The following ADAM2 variants were observed in gnomAD, a reference collection of about 807,000 sequenced individuals.
ADAM2 encodes the protein disintegrin and metalloproteinase domain-containing protein 2.
In ADAM2, 101 loss-of-function variants were observed where a neutral mutation model predicts 99.3. The observed-to-expected ratio is 1.02, with a 90% CI of 0.87 to 1.20. The LOEUF (loss-of-function observed/expected upper bound fraction) is 1.20. Ranked by LOEUF, ADAM2 falls within the 50% of genes most tolerant of loss-of-function variation. The probability of loss-of-function intolerance (pLI) is 0.00; values close to 1 mark genes in which losing one functional copy is unlikely to be tolerated. For missense variants in ADAM2, 948 were observed against 878.7 expected (o/e 1.08, Z -1.00); for synonymous variants, 323 against 287.6 (o/e 1.12, Z -1.25).
chr8:39,837,015 A>G (rs978655696), intron 2 of ADAM2, 121 bp downstream of exon 2: 2 of 685,992 alleles, frequency 2.9e-6, no homozygotes, highest in African/African-American at 3.7e-5. Context: ...CCATTCAGGG[A>G]AAATTTGGTA....
At chr8:39,830,059 T>C (rs1805555503) in intron 3 of ADAM2, among the ~76,000 whole-genome samples, 1 of 152,176 alleles carries the variant, frequency 6.6e-6, no homozygotes. Context: ...GCAGTCAATA[T>C]ATGTGTAAAG....
At chr8:39,822,200 C>T (rs181076932) in intron 4 of ADAM2, among the ~76,000 whole-genome samples, 1 of 152,010 alleles carries the variant, frequency 6.6e-6, no homozygotes, top group East Asian at 1.9e-4. Flanking sequence ...TTTTTATCAC[C>T]AATTGGGGTA....
chr8:39,749,782 C>T (rs957795512), intron 16 of ADAM2, 38 bp from the exon 17 acceptor site: 4 of 1,523,540 alleles, frequency 2.6e-6, no homozygotes, highest in Non-Finnish European at 3.6e-6. Flanking sequence ...ATTGACATGC[C>T]ATCTAGAGTT....
At chr8:39,763,576 C>CTA (rs1802455394) in intron 14 of ADAM2, among the ~76,000 whole-genome samples, 1 of 152,296 alleles carries the variant, frequency 6.6e-6, no homozygotes, top group Admixed American at 6.5e-5. Context: ...AGGAGACCAC[C>CTA]TACAACATGC....
intron 7 of ADAM2, among the ~76,000 whole-genome samples, chr8:39,803,319 T>C (rs1423989752): frequency 6.6e-6 from 1 of 152,198 alleles, no homozygotes; most frequent in Non-Finnish European, 1.5e-5. Flanking sequence ...AAGTTGTTTA[T>C]TTGTAAGATC....
At chr8:39,787,241 T>G (rs1803502101) in intron 9 of ADAM2, among the ~76,000 whole-genome samples, 186 bp from the exon 10 acceptor site, 1 of 151,784 alleles carries the variant, frequency 6.6e-6, no homozygotes, top group South Asian at 2.1e-4. Flanking sequence ...AAAAACAAAG[T>G]GTATTTTATA....
intron 3 of ADAM2, among the ~76,000 whole-genome samples, chr8:39,831,115 A>C (rs1249662390): frequency 6.6e-6 from 1 of 152,172 alleles, no homozygotes; most frequent in Non-Finnish European, 1.5e-5. Flanking sequence ...TTTGTAAGCT[A>C]CCCAGTCTAT....
intron 7 of ADAM2, among the ~76,000 whole-genome samples, chr8:39,794,218 C>T (rs1264609842): frequency 1.3e-5 from 2 of 152,022 alleles, no homozygotes; most frequent in African/African-American, 4.8e-5. Flanking sequence ...GTCATATGTA[C>T]AGAGTATTTT....
chr8:39,750,937 T>G (rs914319459), intron 16 of ADAM2, among the ~76,000 whole-genome samples: 1 of 152,174 alleles, frequency 6.6e-6, no homozygotes. Flanking sequence ...TAGAAATATT[T>G]TTTATTTTAA....
chr8:39,793,421 A>G (rs1451741), intron 7 of ADAM2, among the ~76,000 whole-genome samples: 71,411 of 151,930 alleles, frequency 0.47, 17,124 homozygotes, highest in South Asian at 0.67. Context: ...CACCTTGGCT[A>G]CTTCCCTAAC....
At position 39,793,144 on chromosome 8, in the gene ADAM2, T is replaced by G. The variant is rs116016808; in HGVS notation, c.571-4404A>C. On this transcript the variant is annotated intron_variant, in intron 7 of 20. Transcript: ENST00000265708. Reference sequence around the variant, plus strand: ...CTTGCATTTATGTTTGAGATTCTTTTCACGATCATGTTGTCTTAATGGACT... The same window carrying G: ...CTTGCATTTATGTTTGAGATTCTTTGCACGATCATGTTGTCTTAATGGACT... Among the ~76,000 whole-genome samples, 696 of 152,212 alleles carry G rather than the reference T, an allele frequency of 4.6e-3. 7 individuals carry two copies. The highest frequency in any genetic ancestry group is 0.016 in the African/African-American group (649 of 41,540).
chr8:39,786,157 G>A (rs1803459814), intron 10 of ADAM2, among the ~76,000 whole-genome samples: 2 of 152,154 alleles, frequency 1.3e-5, no homozygotes, highest in South Asian at 2.1e-4. Flanking sequence ...GAACTACCGG[G>A]GGTGGAGGAA....
intron 4 of ADAM2, among the ~76,000 whole-genome samples, chr8:39,823,461 G>C (rs1453924977): frequency 2.0e-5 from 3 of 151,762 alleles, no homozygotes; most frequent in Non-Finnish European, 4.4e-5. Flanking sequence ...CTACATTTGA[G>C]ATCAACTTGC....
chr8:39,808,885 C>T (rs1401580591), intron 7 of ADAM2, among the ~76,000 whole-genome samples: 2 of 152,100 alleles, frequency 1.3e-5, no homozygotes, highest in Non-Finnish European at 2.9e-5. Flanking sequence ...CATTGCACTC[C>T]AGCCTGTGGG....
intron 7 of ADAM2, among the ~76,000 whole-genome samples, chr8:39,808,926 T>A (rs561738799): frequency 1.9e-3 from 292 of 152,030 alleles, no homozygotes; most frequent in African/African-American, 6.7e-3. Flanking sequence ...AAAAAATAAA[T>A]AAATAAATAC....
intron 7 of ADAM2, among the ~76,000 whole-genome samples, chr8:39,801,614 AG>A (rs1804214690): frequency 6.6e-6 from 1 of 152,128 alleles, no homozygotes; most frequent in South Asian, 2.1e-4. Context: ...AACTACCAGG[AG>A]GAGAGGCTAA....
chr8:39,836,707 A>G (rs184127888), intron 2 of ADAM2, among the ~76,000 whole-genome samples: 83 of 152,354 alleles, frequency 5.4e-4, no homozygotes, highest in African/African-American at 1.7e-3. Context: ...AATCATTAAC[A>G]TATTCGCAAT....
intron 15 of ADAM2, among the ~76,000 whole-genome samples, chr8:39,760,730 A>C (rs1802325578): frequency 1.5e-5 from 2 of 136,342 alleles, no homozygotes; most frequent in Non-Finnish European, 3.0e-5. Context: ...AAAAAATAAA[A>C]TAAAAAAATA....
chr8:39,749,331 A>G lies in ADAM2; in HGVS notation c.1995T>C (p.Ala665=). The G allele has an allele frequency of 6.2e-7, 1 of 1,612,862 alleles. No homozygotes were observed. Among genetic ancestry groups the G allele is most frequent in the South Asian group, 1.1e-5 (1 of 90,942 alleles). The part of the protein sequence containing the change: ...SIDSGNFPPV[A]IPARLPERRY... Reference sequence around the variant, plus strand: ...ACTTACCAGGGAGTCTGGCTGGTATAGCTACAGGTGGAAAATTGCCACTGT... The same window carrying G: ...ACTTACCAGGGAGTCTGGCTGGTATGGCTACAGGTGGAAAATTGCCACTGT... The change falls in exon 18 of 21, where the codon GCT becomes GCC. Residue 665 remains alanine, a synonymous_variant. Transcript: ENST00000265708.
Sources: allele counts gnomAD v4.1 joint callset (sites outside exome capture counted in the v4.1 genomes callset), GRCh38; gene constraint gnomAD v4.1.1; transcripts MANE v1.5; gene names NCBI Gene and HGNC (gene_info 2026-07-23, HGNC 2026-07-21).